The following NDST1 variants were observed in gnomAD, a reference collection of about 807,000 sequenced individuals.
NDST1 encodes N-deacetylase and N-sulfotransferase 1.
NDST1 carries 35 observed loss-of-function variants against 92.8 expected under a neutral mutation model. The observed-to-expected ratio is 0.38, with a 90% CI of 0.29 to 0.50. The LOEUF (loss-of-function observed/expected upper bound fraction) is 0.50. Among genes scored for constraint, NDST1 ranks in the 20% least tolerant of loss-of-function variants. NDST1 has a pLI of 0.94. For synonymous variants in NDST1, 493 were observed against 500.3 expected, an observed-to-expected ratio of 0.99 and a Z score of 0.19; for missense variants, 822 against 1,182.7, an observed-to-expected ratio of 0.69 and a Z score of 4.47.
At chr5:150,529,953 A>G (rs573155160) in intron 3 of NDST1, among the ~76,000 whole-genome samples, 1 of 152,312 alleles carries the variant, frequency 6.6e-6, no homozygotes, top group South Asian at 2.1e-4. Flanking sequence ...GACATTCGGG[A>G]GCAGGCACTG....
chr5:150,499,530 G>C (rs1753140907), intron 1 of NDST1, among the ~76,000 whole-genome samples: 1 of 152,224 alleles, frequency 6.6e-6, no homozygotes, highest in Admixed American at 6.5e-5. Flanking sequence ...AAGCATGGAA[G>C]CATTGGAGCA....
At chr5:150,501,390 T>C (rs1753221402) in intron 1 of NDST1, among the ~76,000 whole-genome samples, 1 of 152,150 alleles carries the variant, frequency 6.6e-6, no homozygotes. Context: ...AAGTTCTCCC[T>C]CATGGCCAAA....
chr5:150,538,114 A>C lies in NDST1; in HGVS notation c.1438-1114A>C, dbSNP rs151283534. On this transcript the variant is annotated intron_variant, in intron 6 of 14. Coordinates refer to ENST00000261797, the MANE Select transcript of NDST1 (RefSeq NM_001543.5). ...CGCTGCCACATGAGGAAGAGCACTC[A>C]AGGCAGAGAACACAAGTGCAAAGGC... Among the ~76,000 whole-genome samples, 71 of 152,344 alleles carry C rather than the reference A, an allele frequency of 4.7e-4. No individual in the cohort carries two copies. In the East Asian group the frequency reaches 0.013, roughly 27 times the overall value.
chr5:150,535,618 C>A, intron 5 of NDST1, 82 bp from the exon 6 acceptor site: 1 of 1,522,832 alleles, frequency 6.6e-7, no homozygotes, highest in South Asian at 1.1e-5. Context: ...TCTGATTTCT[C>A]TCTCCCATTC....
In NDST1 at chr5:150,521,146, C is replaced by G. The variant is rs1304321484; in HGVS notation, c.-109C>G. On this transcript the variant is annotated 5_prime_UTR_variant, in exon 2 of 15. Transcript: ENST00000261797. The surrounding 1 kb of genome is among the most constrained non-coding windows in gnomAD (Gnocchi z 5.9). ...CCCACAAGGGCGTCGCTTCCTAAGT[C>G]TCTGTGAATTTGTTGGTCAGTGGAC... The G allele has an allele frequency of 9.8e-7, 1 of 1,020,580 alleles. No homozygotes were observed. The highest frequency in any genetic ancestry group is 1.4e-6 in the Non-Finnish European group (1 of 698,340). 63.2% of individuals were successfully genotyped at this position (1,020,580 alleles called of 1,614,324 possible).
chr5:150,553,815 G>T lies in NDST1; in HGVS notation c.*483G>T. 1 of 461,334 alleles carries T rather than the reference G, an allele frequency of 2.2e-6. No homozygotes were observed. The highest frequency in any genetic ancestry group is 3.9e-6 in the Non-Finnish European group (1 of 256,568). The allele number at this position is 461,334 out of a possible 1,614,324, so 28.6% of individuals were successfully genotyped here. A position where few individuals can be genotyped will look rare whatever the true frequency, so the allele number is the denominator to read the frequency against. The stretch of plus-strand genomic sequence containing the variant: ...CCAGGCTCTTCCAAGGGGCCAGCTG[G>T]GTCCCCGGAGTCAGTCCTAGGCTGG... On this transcript the variant is annotated 3_prime_UTR_variant, in exon 15 of 15. Transcript: ENST00000261797. The surrounding 1 kb of genome is among the most constrained non-coding windows in gnomAD (Gnocchi z 4.2).
chr5:150,520,709 G>A (rs1030210309), intron 1 of NDST1, among the ~76,000 whole-genome samples, 159 bp from the exon 2 acceptor site: 1 of 152,206 alleles, frequency 6.6e-6, no homozygotes, highest in Non-Finnish European at 1.5e-5. Context: ...TAGGGAAACT[G>A]GGGCTCAGAG....
rs535920951 is a variant in NDST1, at chr5:150,530,842, G to A, written c.1009-2103G>A. Among the ~76,000 whole-genome samples, 301 of 152,212 alleles carry A rather than the reference G, an allele frequency of 2.0e-3. 1 individual carries two copies. Among genetic ancestry groups the A allele is most frequent in the African/African-American group, 7.0e-3 (292 of 41,536 alleles). On this transcript the variant is annotated intron_variant, in intron 3 of 14. Coordinates refer to ENST00000261797, the MANE Select transcript of NDST1 (RefSeq NM_001543.5). ...CCCAAAGTGCTGGGTTTATGAGCATGAGCCACCGCACCTGGCCCTATTTTT... is the reference window on the plus strand; with the variant it reads ...CCCAAAGTGCTGGGTTTATGAGCATAAGCCACCGCACCTGGCCCTATTTTT...
intron 12 of NDST1, 149 bp from the exon 13 acceptor site, chr5:150,549,529 A>T: frequency 1.5e-6 from 1 of 685,196 alleles, no homozygotes; most frequent in Non-Finnish European, 2.7e-6. Context: ...GAGCTTGGGG[A>T]TACCTGCCCT....
At chr5:150,551,287 G>GAT (rs1181483256) in intron 13 of NDST1, among the ~76,000 whole-genome samples, 3 of 152,046 alleles carry the variant, frequency 2.0e-5, no homozygotes, top group Non-Finnish European at 4.4e-5. Flanking sequence ...TGCAGCTGTG[G>GAT]ATACTGCATG....
intron 1 of NDST1, among the ~76,000 whole-genome samples, chr5:150,517,888 C>T (rs528393318): frequency 3.3e-5 from 5 of 152,342 alleles, no homozygotes; most frequent in African/African-American, 1.2e-4. Flanking sequence ...CCAACGTGGG[C>T]AGGGCGCCAT....
chr5:150,541,288 C>T (rs563446341), intron 8 of NDST1, among the ~76,000 whole-genome samples: 2 of 152,268 alleles, frequency 1.3e-5, no homozygotes, highest in East Asian at 3.9e-4. Context: ...TTCTTGACCC[C>T]CTGGTTCAGA....
At chr5:150,528,359 G>T in intron 3 of NDST1, 61 bp downstream of exon 3, 11 of 1,536,616 alleles carry the variant, frequency 7.2e-6, no homozygotes, top group Non-Finnish European at 9.7e-6. Context: ...TCAGCCTTCA[G>T]GTGCCCCATC....
intron 1 of NDST1, among the ~76,000 whole-genome samples, chr5:150,517,304 AT>A (rs34230800): frequency 0.28 from 39,737 of 139,588 alleles, 5,312 homozygotes; most frequent in Admixed American, 0.35. Flanking sequence ...CACCTGGCTC[AT>A]TTTTTTTTTT....
chr5:150,525,804 CTCCTGGGGGCCCCACACATGACCCCA>C lies in NDST1; in HGVS notation c.514-1997_514-1972del, dbSNP rs1754450053. Among the ~76,000 whole-genome samples, 5 of 152,268 alleles carry C rather than the reference CTCCTGGGGGCCCCACACATGACCCCA, an allele frequency of 3.3e-5. No individual in the cohort carries two copies. The South Asian group carries it at 1.0e-3, about 32-fold the overall frequency. On this transcript the variant is annotated intron_variant, in intron 2 of 14. Transcript: ENST00000261797. ...CCCTGTGTGTGCTCCCTGAGCAGCT[CTCCTGGGGGCCCCACACATGACCCCA>C]TCTCCCCCTCCAAACTCATTTTGCT...
intron 3 of NDST1, among the ~76,000 whole-genome samples, chr5:150,530,332 C>T (rs1480382814): frequency 3.3e-5 from 5 of 152,172 alleles, no homozygotes; most frequent in Non-Finnish European, 7.3e-5. Context: ...AGTGCCACCA[C>T]CTGCCTCTGG....
intron 2 of NDST1, among the ~76,000 whole-genome samples, chr5:150,525,251 G>A (rs188735351): frequency 6.1e-4 from 93 of 152,310 alleles, no homozygotes; most frequent in African/African-American, 2.1e-3. Context: ...TCATTTCATT[G>A]CCAATGGATA....
chr5:150,521,487 C>A lies in NDST1; in HGVS notation c.233C>A (p.Pro78His). 6.2e-7 allele frequency: 1 copy of A among 1,614,066 alleles called. No individual in the cohort carries two copies. Among genetic ancestry groups the A allele is most frequent in the Non-Finnish European group, 8.5e-7 (1 of 1,180,030 alleles). ...CTCAAGCCTGTGCAGGCAGCCACCC[C>A]TTCCCGCACAGACCCGTTGGTGCTG... ...LPLKPVQAAT[P>H]SRTDPLVLVF... The change falls in exon 2 of 15, where the codon CCT becomes CAT. Residue 78 changes from proline (P) to histidine (H), a missense_variant. Coordinates refer to ENST00000261797, the MANE Select transcript of NDST1 (RefSeq NM_001543.5). This position sits in a 1 kb window ranked among gnomAD's most constrained non-coding sequence, Gnocchi z 5.9.
At chr5:150,513,828 A>G (rs1452678404) in intron 1 of NDST1, among the ~76,000 whole-genome samples, 1 of 152,138 alleles carries the variant, frequency 6.6e-6, no homozygotes, top group African/African-American at 2.4e-5. Flanking sequence ...CTTTTCTCTT[A>G]TGGGTCCGGG....
Sources: gnomAD v4.1 joint callset for allele counts (sites outside exome capture counted in the v4.1 genomes callset) on GRCh38, gnomAD v4.1.1 for gene constraint, Gnocchi (gnomAD v3.1) non-coding constraint, MANE v1.5 for transcripts, NCBI Gene and HGNC (gene_info 2026-07-23, HGNC 2026-07-21) for gene names.